Variants in PDCL2 observed in about 807,000 individuals in gnomAD.
The protein encoded by PDCL2 is phosducin-like protein 2.
Under a neutral mutation model 30.3 loss-of-function variants are expected in PDCL2, and 23 were observed. The ratio of observed to expected loss-of-function variants is 0.76; its 90% CI spans 0.55 to 1.08. PDCL2 has a LOEUF of 1.08. Ranked by LOEUF, PDCL2 falls within the 50% of genes least tolerant of loss-of-function variation. PDCL2 has a pLI of 0.00. For missense variants in PDCL2, 243 were observed against 282.3 expected (o/e 0.86, Z 1.00); for synonymous variants, 68 against 86.2 (o/e 0.79, Z 1.17).
intron 3 of PDCL2, among the ~76,000 whole-genome samples, chr4:55,571,641 T>C (rs71627112): frequency 7.8e-5 from 3 of 38,314 alleles, no homozygotes; most frequent in East Asian, 2.2e-3. Context: ...GAGCTGAGAT[T>C]GTGCCACTGC....
chr4:55,558,500 G>A (rs1732042834), intron 5 of PDCL2, among the ~76,000 whole-genome samples: 1 of 152,194 alleles, frequency 6.6e-6, no homozygotes. Context: ...CAGCCATGCT[G>A]AACTGTGAGT....
chr4:55,590,451 C>A (rs1732970723), intron 1 of PDCL2, among the ~76,000 whole-genome samples: 2 of 104,784 alleles, frequency 1.9e-5, no homozygotes, highest in South Asian at 6.1e-4. Flanking sequence ...AGAGCAAGAT[C>A]CTGTCTCCAA....
chr4:55,569,935 A>T, intron 3 of PDCL2, 74 bp from the exon 4 acceptor site: 1 of 1,097,366 alleles, frequency 9.1e-7, no homozygotes. Context: ...TGTAATAACA[A>T]TTTAGGGCAA....
intron 3 of PDCL2, among the ~76,000 whole-genome samples, chr4:55,570,763 C>T (rs1732401515): frequency 6.6e-6 from 1 of 152,184 alleles, no homozygotes; most frequent in Non-Finnish European, 1.5e-5. Flanking sequence ...CTGTTGAACG[C>T]CTGGATTCAT....
At chr4:55,568,258 G>A (rs1417978064) in intron 4 of PDCL2, among the ~76,000 whole-genome samples, 1 of 152,138 alleles carries the variant, frequency 6.6e-6, no homozygotes, top group East Asian at 1.9e-4. Flanking sequence ...AAAGCTAGAA[G>A]GACTGAACGA....
chr4:55,573,593 A>C (rs570056290), intron 3 of PDCL2, among the ~76,000 whole-genome samples: 16 of 152,180 alleles, frequency 1.1e-4, no homozygotes, highest in African/African-American at 3.9e-4. Flanking sequence ...CTACCAAAAA[A>C]TACAAAAATT....
At chr4:55,586,999 A>G (rs947519219) in intron 1 of PDCL2, among the ~76,000 whole-genome samples, 1 of 144,898 alleles carries the variant, frequency 6.9e-6, no homozygotes, top group South Asian at 2.1e-4. Context: ...GTCTTAGTCC[A>G]GTTTGTACTC....
intron 3 of PDCL2, 75 bp downstream of exon 3, chr4:55,580,741 TGACAA>T (rs1479059312): frequency 2.2e-5 from 23 of 1,026,088 alleles, no homozygotes; most frequent in Non-Finnish European, 3.0e-5. Context: ...AAAATCTATG[TGACAA>T]GACAAATCTC....
intron 3 of PDCL2, among the ~76,000 whole-genome samples, chr4:55,579,584 T>C (rs952351453): frequency 1.3e-5 from 2 of 152,220 alleles, no homozygotes; most frequent in African/African-American, 4.8e-5. Context: ...TCCAAAGTGC[T>C]GGAATTACAG....
intron 4 of PDCL2, among the ~76,000 whole-genome samples, chr4:55,564,944 G>A (rs899228325): frequency 6.6e-6 from 1 of 152,068 alleles, no homozygotes; most frequent in African/African-American, 2.4e-5. Context: ...CCTGGACTTG[G>A]GCCAAGCTAA....
At chr4:55,584,925 G>A (rs1000777554) in intron 1 of PDCL2, among the ~76,000 whole-genome samples, 1 of 152,124 alleles carries the variant, frequency 6.6e-6, no homozygotes, top group African/African-American at 2.4e-5. Context: ...TTTTTATCAT[G>A]AAAGGATATT....
In PDCL2 at chr4:55,562,487, G is replaced by T. The variant is rs779515577; in HGVS notation, c.488C>A (p.Thr163Lys). ...IQHYHDNCLP[T>K]IFVYKNGQIE... ...CTGACCATTTTTATACACAAAAATTGTTGGTAAACAATTGTCATGGTAGTG... is the reference window on the plus strand; with the variant it reads ...CTGACCATTTTTATACACAAAAATTTTTGGTAAACAATTGTCATGGTAGTG... The change falls in exon 5 of 6, where the codon ACA (threonine) becomes AAA (lysine). Residue 163 changes from threonine to lysine, a missense_variant. Transcript: ENST00000295645. 1.9e-6 allele frequency: 3 copies of T among 1,566,834 alleles called. No homozygotes were observed. Among genetic ancestry groups the T allele is most frequent in the South Asian group, 1.2e-5 (1 of 82,702 alleles).
chr4:55,559,404 G>A (rs1489913844), intron 5 of PDCL2, among the ~76,000 whole-genome samples: 2 of 152,118 alleles, frequency 1.3e-5, no homozygotes, highest in East Asian at 3.8e-4. Context: ...TGCTAGACAG[G>A]AGATAAAGTT....
chr4:55,592,133 A>G lies in PDCL2; in HGVS notation c.-24T>C. ...ATGATGCGCTGCTCTGCCCCTCAAG[A>G]GCCCGCGTCGTCCTGCAGCTGGCGA... On this transcript the variant is annotated 5_prime_UTR_variant, in exon 1 of 6. Coordinates refer to ENST00000295645, the MANE Select transcript of PDCL2 (RefSeq NM_152401.3). 1 of 1,608,588 alleles carries G rather than the reference A, an allele frequency of 6.2e-7. No individual in the cohort carries two copies. Among genetic ancestry groups the G allele is most frequent in the Non-Finnish European group, 8.5e-7 (1 of 1,178,082 alleles).
intron 4 of PDCL2, among the ~76,000 whole-genome samples, chr4:55,566,801 G>C (rs1448408637): frequency 3.4e-4 from 2 of 5,804 alleles, no homozygotes; most frequent in Non-Finnish European, 1.9e-3. Flanking sequence ...AAAACCTTCT[G>C]AGAAGGTTTA....
intron 5 of PDCL2, 90 bp downstream of exon 5, chr4:55,562,314 C>A: frequency 1.2e-6 from 1 of 836,122 alleles, no homozygotes; most frequent in Non-Finnish European, 1.7e-6. Context: ...AGGAAAAAAC[C>A]TTGGTACTAA....
chr4:55,584,495 G>A (rs1340977369), intron 1 of PDCL2, among the ~76,000 whole-genome samples: 2 of 152,114 alleles, frequency 1.3e-5, no homozygotes, highest in Non-Finnish European at 2.9e-5. Context: ...GGCTGCAAGT[G>A]ATTCACCCAT....
Position 55,569,850 on chromosome 4 carries a change from A to G in PDCL2, c.230T>C (p.Leu77Ser). Residue 77 changes from leucine (L) to serine (S), a missense_variant, in exon 4 of 6, where the codon TTA (leucine) becomes TCA (serine). By Grantham distance (145) the Leu-to-Ser change is moderately radical. Transcript: ENST00000295645. The stretch of plus-strand genomic sequence containing the variant: ...TTTCTTAAGAGCTTTCCATTCCTGT[A>G]ACCGCTTCTTTCTAATTAAAACATG... ...QAVETYRKKR[L>S]QEWKALKKKQ... The G allele has an allele frequency of 5.3e-6, 8 of 1,519,624 alleles. No individual in the cohort carries two copies. Among genetic ancestry groups the G allele is most frequent in the Non-Finnish European group, 7.1e-6 (8 of 1,120,780 alleles). 94.1% of individuals were successfully genotyped at this position (1,519,624 alleles called of 1,614,324 possible). A position where few individuals can be genotyped will look rare whatever the true frequency, so the allele number is the denominator to read the frequency against.
chr4:55,562,015 A>G (rs921619564), intron 5 of PDCL2, among the ~76,000 whole-genome samples: 1 of 152,022 alleles, frequency 6.6e-6, no homozygotes, highest in African/African-American at 2.4e-5. Context: ...ATAATAGAGA[A>G]AGGTAGAATA....
Sources: allele counts gnomAD v4.1 joint callset (sites outside exome capture counted in the v4.1 genomes callset), GRCh38; gene constraint gnomAD v4.1.1; transcripts MANE v1.5; gene names NCBI Gene and HGNC (gene_info 2026-07-23, HGNC 2026-07-21).